Variants in GALNT16 observed in about 807,000 individuals in gnomAD.
The protein encoded by GALNT16 is polypeptide N-acetylgalactosaminyltransferase 16, also known as UDP-GalNAc:polypeptide N-acetylgalactosaminyltransferase-like protein 1.
GALNT16 carries 40 observed loss-of-function variants against 76.1 expected under a neutral mutation model. The ratio of observed to expected loss-of-function variants is 0.53; its 90% CI spans 0.41 to 0.68. The LOEUF (loss-of-function observed/expected upper bound fraction) is 0.68, where lower values mean the gene tolerates loss of function less well. Ranked by LOEUF, GALNT16 falls within the 30% of genes least tolerant of loss-of-function variation. GALNT16 has a pLI of 0.00. For synonymous variants in GALNT16, 276 were observed against 285.2 expected (o/e 0.97, Z 0.32); for missense variants, 621 against 731.9 (o/e 0.85, Z 1.75).
intron 1 of GALNT16, among the ~76,000 whole-genome samples, chr14:69,316,273 G>T (rs1477211623): frequency 6.6e-5 from 10 of 152,206 alleles, no homozygotes; most frequent in Admixed American, 4.6e-4. Context: ...GGGAAAGGAG[G>T]AAGGAGAGGC....
chr14:69,294,591 C>T (rs2044729638), intron 1 of GALNT16, among the ~76,000 whole-genome samples: 1 of 152,198 alleles, frequency 6.6e-6, no homozygotes, highest in Non-Finnish European at 1.5e-5. Context: ...CGCATGCCCA[C>T]ATACAGTCAC....
At chr14:69,317,334 T>G (rs1285827658) in intron 1 of GALNT16, among the ~76,000 whole-genome samples, 1 of 152,212 alleles carries the variant, frequency 6.6e-6, no homozygotes, top group Non-Finnish European at 1.5e-5. Flanking sequence ...ATCTGCAGAC[T>G]CCTGCTCCAG....
chr14:69,323,300 C>T (rs1935539535), intron 2 of GALNT16, among the ~76,000 whole-genome samples: 2 of 152,330 alleles, frequency 1.3e-5, no homozygotes, highest in Admixed American at 6.5e-5. Flanking sequence ...GCTCCTGGCT[C>T]CTGGGAGCCA....
chr14:69,322,990 ACG>A lies in GALNT16; in HGVS notation c.336-1696_336-1695del, dbSNP rs1235629233. On this transcript the variant is annotated intron_variant, in intron 2 of 14. Coordinates refer to ENST00000448469, the MANE Select transcript of GALNT16 (RefSeq NM_001168368.2). Reference sequence around the variant, plus strand: ...TGTGTGTGTGTGTGTGTGCGCGCGCACGCGCGCACGCATGCACACGTGTAGGG... The same window carrying A: ...TGTGTGTGTGTGTGTGTGCGCGCGCACGCGCACGCATGCACACGTGTAGGG... Among the ~76,000 whole-genome samples the A allele has an allele frequency of 1.8e-4, 4 of 22,644 alleles. 1 individual carries two copies. Among genetic ancestry groups the A allele is most frequent in the Admixed American group, 1.1e-3 (2 of 1,898 alleles). 14.9% of individuals were successfully genotyped at this position (22,644 alleles called of 152,430 possible).
chr14:69,346,945 C>A, intron 12 of GALNT16, 95 bp from the exon 13 acceptor site: 1 of 1,495,040 alleles, frequency 6.7e-7, no homozygotes, highest in Non-Finnish European at 9.3e-7. Flanking sequence ...GAGACCTCGG[C>A]GCTCCCAGAG....
the GALNT16 span, among the ~76,000 whole-genome samples, chr14:69,381,143 T>C: frequency 6.6e-6 from 1 of 152,282 alleles, no homozygotes; most frequent in East Asian, 1.9e-4. Context: ...TAGCTGGGCA[T>C]GGTGGTGCAC....
chr14:69,262,084 G>A (rs1037105638), intron 1 of GALNT16, among the ~76,000 whole-genome samples: 2 of 152,216 alleles, frequency 1.3e-5, no homozygotes, highest in South Asian at 4.1e-4. Flanking sequence ...AGCCCAGGCT[G>A]CCACATTCAT....
chr14:69,377,116 C>A, the GALNT16 span, among the ~76,000 whole-genome samples: 3 of 152,200 alleles, frequency 2.0e-5, no homozygotes, highest in African/African-American at 7.2e-5. Context: ...TCTGTGTCCC[C>A]TGTGCTTTTG....
intron 2 of GALNT16, among the ~76,000 whole-genome samples, chr14:69,324,049 A>G (rs1389177622): frequency 1.3e-5 from 2 of 152,060 alleles, no homozygotes; most frequent in Admixed American, 6.6e-5. Context: ...TGTGGTGTCT[A>G]TGGATGGCTG....
intron 1 of GALNT16, among the ~76,000 whole-genome samples, chr14:69,300,013 C>G (rs2044827408): frequency 6.6e-6 from 1 of 152,232 alleles, no homozygotes; most frequent in East Asian, 1.9e-4. Context: ...CCAGGCCTCT[C>G]TTCCCCAGCC....
chr14:69,277,248 G>A (rs957284019), intron 1 of GALNT16, among the ~76,000 whole-genome samples: 12 of 152,134 alleles, frequency 7.9e-5, no homozygotes, highest in Non-Finnish European at 1.3e-4. Context: ...TATGCTTTAA[G>A]TTCTAGGGTA....
intron 1 of GALNT16, among the ~76,000 whole-genome samples, chr14:69,307,625 G>A (rs1334501292): frequency 6.6e-6 from 1 of 152,138 alleles, no homozygotes; most frequent in Non-Finnish European, 1.5e-5. Flanking sequence ...CTTGACTGCC[G>A]CTATGGAGTG....
chr14:69,331,816 T>C (rs1373780431), intron 7 of GALNT16, among the ~76,000 whole-genome samples: 1 of 152,220 alleles, frequency 6.6e-6, no homozygotes, highest in Non-Finnish European at 1.5e-5. Flanking sequence ...CCTCCAAATA[T>C]TGACACTTTC....
At chr14:69,345,925 A>G (rs527968914) in intron 12 of GALNT16, among the ~76,000 whole-genome samples, 1 of 152,168 alleles carries the variant, frequency 6.6e-6, no homozygotes, top group South Asian at 2.1e-4. Flanking sequence ...TCTCACTCTG[A>G]AGCCTAGACT....
At chr14:69,262,424 G>A (rs1222585866) in intron 1 of GALNT16, among the ~76,000 whole-genome samples, 1 of 152,200 alleles carries the variant, frequency 6.6e-6, no homozygotes, top group Non-Finnish European at 1.5e-5. Flanking sequence ...CTCATTTTGA[G>A]GGGTGGGAAT....
chr14:69,308,250 A>G (rs1465915349), intron 1 of GALNT16, among the ~76,000 whole-genome samples: 1 of 151,398 alleles, frequency 6.6e-6, no homozygotes, highest in Non-Finnish European at 1.5e-5. Context: ...ATTAAGGTTC[A>G]CCTGTTTCTT....
chr14:69,325,838 T>C, intron 4 of GALNT16, 124 bp from the exon 5 acceptor site: 1 of 748,434 alleles, frequency 1.3e-6, no homozygotes, highest in Non-Finnish European at 2.4e-6. Context: ...TGACCATACC[T>C]CTTCCCAATC....
At chr14:69,269,281 A>G (rs2044375285) in intron 1 of GALNT16, among the ~76,000 whole-genome samples, 2 of 151,488 alleles carry the variant, frequency 1.3e-5, no homozygotes, top group African/African-American at 4.8e-5. Flanking sequence ...TGTGTGTGGT[A>G]TGTGTGGTGT....
At chr14:69,357,816 G>C (rs1160609748), downstream of GALNT16, 1 of 152,282 alleles carries the variant, frequency 6.6e-6, no homozygotes, top group African/African-American at 2.4e-5. Flanking sequence ...TGACCCAGAC[G>C]GGGAGGCTTA....
Sources: gnomAD v4.1 joint callset for allele counts (sites outside exome capture counted in the v4.1 genomes callset) on GRCh38, gnomAD v4.1.1 for gene constraint, MANE v1.5 for transcripts, NCBI Gene and HGNC (gene_info 2026-07-23, HGNC 2026-07-21) for gene names.